The following STAU1 variants were observed in gnomAD, a reference collection of about 807,000 sequenced individuals.
The protein encoded by STAU1 is double-stranded RNA-binding protein Staufen homolog 1.
STAU1 carries 13 observed loss-of-function variants against 62.9 expected under a neutral mutation model. The observed-to-expected ratio is 0.21, with a 90% confidence interval of 0.13 to 0.33. STAU1 has a LOEUF of 0.33. Ranked by LOEUF, STAU1 falls within the 10% of genes least tolerant of loss-of-function variation. The pLI, the probability that STAU1 is intolerant of heterozygous loss-of-function variation, is 1.00. For synonymous variants in STAU1, 269 were observed against 265.1 expected, an observed-to-expected ratio of 1.01 and a Z score of -0.14; for missense variants, 571 against 712.1, an observed-to-expected ratio of 0.80 and a Z score of 2.25.
At chr20:49,173,447 G>A (rs749123503) in intron 2 of STAU1, among the ~76,000 whole-genome samples, 5 of 152,132 alleles carry the variant, frequency 3.3e-5, no homozygotes, top group Non-Finnish European at 7.4e-5. Context: ...GCGAAACTCC[G>A]TTTCAGAAAG....
chr20:49,130,512 AAAGGGCAC>A (rs1207477918), intron 6 of STAU1, among the ~76,000 whole-genome samples: 1 of 152,200 alleles, frequency 6.6e-6, no homozygotes, highest in Non-Finnish European at 1.5e-5. Context: ...GGGGCATGTT[AAAGGGCAC>A]AAGGGCCAAT....
intron 4 of STAU1, among the ~76,000 whole-genome samples, chr20:49,153,416 A>AG (rs2093294363): frequency 6.8e-6 from 1 of 147,088 alleles, no homozygotes; most frequent in Non-Finnish European, 1.5e-5. Context: ...AAAAAAAAAA[A>AG]GAGGCGCAGC....
chr20:49,128,773 C>CGA, intron 6 of STAU1, among the ~76,000 whole-genome samples: 1 of 102,636 alleles, frequency 9.7e-6, no homozygotes, highest in Non-Finnish European at 2.0e-5. Context: ...CATCCAAATC[C>CGA]AAAAAAAAAA....
chr20:49,194,065 G>C, the STAU1 span, among the ~76,000 whole-genome samples: 15 of 152,110 alleles, frequency 9.9e-5, no homozygotes, highest in Non-Finnish European at 1.9e-4. Context: ...TCTGGGGCAG[G>C]GGGAATTAAA....
intron 8 of STAU1, among the ~76,000 whole-genome samples, chr20:49,122,626 G>A (rs190224615): frequency 2.9e-4 from 44 of 152,286 alleles, no homozygotes; most frequent in African/African-American, 1.0e-3. Context: ...TCTTAATAAG[G>A]ATCACAGTTG....
intron 3 of STAU1, among the ~76,000 whole-genome samples, chr20:49,155,908 G>A (rs2093349899): frequency 6.6e-6 from 1 of 152,068 alleles, no homozygotes; most frequent in Non-Finnish European, 1.5e-5. Context: ...TACATACGAA[G>A]ACCTGGGATG....
chr20:49,169,095 C>T (rs568684088), intron 2 of STAU1, among the ~76,000 whole-genome samples: 9 of 151,988 alleles, frequency 5.9e-5, no homozygotes, highest in African/African-American at 2.2e-4. Flanking sequence ...GGATTACAGG[C>T]GTGTACCACC....
At chr20:49,188,019 G>GGCCCGCCGAGGCCTAGGCCCC (rs2146659296) in intron 1 of STAU1, 97 bp downstream of exon 1, 1 of 151,350 alleles carries the variant, frequency 6.6e-6, no homozygotes, top group South Asian at 2.1e-4. Context: ...GGGGTGCGCG[G>GGCCCGCCGAGGCCTAGGCCCC]GCCCGCCGAG....
At chr20:49,175,466 T>C (rs1016530002) in intron 1 of STAU1, among the ~76,000 whole-genome samples, 1 of 152,136 alleles carries the variant, frequency 6.6e-6, no homozygotes, top group African/African-American at 2.4e-5. Context: ...TATCTCATAA[T>C]GTTTAGGCTT....
intron 5 of STAU1, among the ~76,000 whole-genome samples, chr20:49,143,094 C>G (rs1407391559): frequency 6.6e-6 from 1 of 152,122 alleles, no homozygotes; most frequent in Admixed American, 6.6e-5. Flanking sequence ...AGCCACCGTG[C>G]CTGGCTCATT....
At chr20:49,171,721 C>T (rs892204958) in intron 2 of STAU1, among the ~76,000 whole-genome samples, 11 of 152,044 alleles carry the variant, frequency 7.2e-5, no homozygotes, top group Admixed American at 2.6e-4. Context: ...TTCATTGACT[C>T]CAAACATTAT....
chr20:49,116,906 GTGGGC>G (rs1568811561), intron 12 of STAU1, among the ~76,000 whole-genome samples: 1 of 152,158 alleles, frequency 6.6e-6, no homozygotes, highest in African/African-American at 2.4e-5. Flanking sequence ...GAAGGGAAAG[GTGGGC>G]TAAAGCTGAT....
rs1313512818 is a variant in STAU1 at position 49,174,213 on chromosome 20, G to A, written c.-103C>T. Reference sequence around the variant, plus strand: ...TATGTACCTTTTTTAAAAAGAGGGCGTTCCAGGAACAATGTTGTCTTTGTT... The same window carrying A: ...TATGTACCTTTTTTAAAAAGAGGGCATTCCAGGAACAATGTTGTCTTTGTT... On this transcript the variant is annotated 5_prime_UTR_variant, in exon 2 of 14. In the 5' UTR this introduces an upstream ATG that the reference lacks. Coordinates refer to ENST00000371856, the MANE Select transcript of STAU1 (RefSeq NM_017453.4). 1.3e-5 allele frequency: 2 copies of A among 152,134 alleles called. No individual in the cohort carries two copies. Among genetic ancestry groups the A allele is most frequent in the East Asian group, 1.9e-4 (1 of 5,196 alleles). 9.4% of individuals were successfully genotyped at this position (152,134 alleles called of 1,614,324 possible). A position where few individuals can be genotyped will look rare whatever the true frequency, so the allele number is the denominator to read the frequency against.
At chr20:49,162,127 C>T (rs1298110663) in intron 3 of STAU1, among the ~76,000 whole-genome samples, 3 of 151,984 alleles carry the variant, frequency 2.0e-5, no homozygotes, top group African/African-American at 7.3e-5. Context: ...TACAGTGAAA[C>T]TCTCATTCCT....
chr20:49,212,635 GT>G, the STAU1 span, among the ~76,000 whole-genome samples: 1 of 4,334 alleles, frequency 2.3e-4, no homozygotes, highest in Non-Finnish European at 7.3e-4. Flanking sequence ...TTTAGGCAGA[GT>G]TTTGCTCTTG....
At chr20:49,134,448 A>AAAAAAAAAAAAAAAAAAAAAAAG in intron 6 of STAU1, 4 of 625,646 alleles carry the variant, frequency 6.4e-6, no homozygotes, top group Non-Finnish European at 1.1e-5. Context: ...AAAAAAAAAA[A>AAAAAAAAAAAAAAAAAAAAAAAG]AGCTCTGGGT....
At chr20:49,211,582 A>T in the STAU1 span, among the ~76,000 whole-genome samples, 1 of 151,920 alleles carries the variant, frequency 6.6e-6, no homozygotes, top group Non-Finnish European at 1.5e-5. Flanking sequence ...ATCTAGGCTC[A>T]CTGCACCCTC....
At chr20:49,218,512 A>T in the STAU1 span, among the ~76,000 whole-genome samples, 1 of 151,852 alleles carries the variant, frequency 6.6e-6, no homozygotes, top group Non-Finnish European at 1.5e-5. Flanking sequence ...GGCGTGAGCC[A>T]CCACGCCCAG....
At chr20:49,116,629 C>A (rs1355738525) in intron 12 of STAU1, among the ~76,000 whole-genome samples, 1 of 152,188 alleles carries the variant, frequency 6.6e-6, no homozygotes, top group Admixed American at 6.5e-5. Flanking sequence ...AGCCACCACA[C>A]CCCACCCAGA....
Sources: gnomAD v4.1 joint callset for allele counts (sites outside exome capture counted in the v4.1 genomes callset) on GRCh38, gnomAD v4.1.1 for gene constraint, MANE v1.5 for transcripts, NCBI Gene and HGNC (gene_info 2026-07-23, HGNC 2026-07-21) for gene names.